Variants in MAP3K4 observed in about 807,000 individuals in gnomAD.
MAP3K4 encodes mitogen-activated protein kinase kinase kinase 4.
A neutral mutation model predicts 185.6 loss-of-function variants in MAP3K4; 67 were observed. The observed-to-expected ratio is 0.36, with a 90% CI of 0.30 to 0.44. The LOEUF is 0.44. Among genes scored for constraint, MAP3K4 ranks in the 20% least tolerant of loss-of-function variants. MAP3K4 has a pLI of 1.00. For missense variants in MAP3K4, 1,551 were observed against 1,995.1 expected (o/e 0.78, Z 4.24); for synonymous variants, 702 against 710.4 (o/e 0.99, Z 0.19).
At chr6:161,024,414 TTAAC>T (rs1381270769) in intron 1 of MAP3K4, among the ~76,000 whole-genome samples, 1 of 152,224 alleles carries the variant, frequency 6.6e-6, no homozygotes, top group Non-Finnish European at 1.5e-5. Flanking sequence ...CACTTTGTTG[TTAAC>T]TAAACTCAGA....
At position 161,080,659 on chromosome 6, in the gene MAP3K4, A is replaced by AAT. The variant is rs2114840241; in HGVS notation, c.2098-219_2098-218dup. 2.0e-6 allele frequency: 1 copy of AAT among 488,208 alleles called. No homozygotes were observed. The highest frequency in any genetic ancestry group is 2.0e-5 in the African/African-American group (1 of 51,116). 30.2% of individuals were successfully genotyped at this position (488,208 alleles called of 1,614,324 possible). On this transcript the variant is annotated intron_variant, in intron 5 of 26. Transcript: ENST00000392142. The surrounding 1 kb of genome is among the most constrained non-coding windows in gnomAD (Gnocchi z 4.8). Reference sequence around the variant, plus strand: ...TTAGGATTTTGAAGGGGTTGTCAATAATATGTTAAATTGCTGGGGAGTTAG... The same window carrying AAT: ...TTAGGATTTTGAAGGGGTTGTCAATAATATATGTTAAATTGCTGGGGAGTTAG...
At chr6:161,083,488 ACT>A (rs1785553844) in intron 6 of MAP3K4, among the ~76,000 whole-genome samples, 1 of 151,768 alleles carries the variant, frequency 6.6e-6, no homozygotes, top group South Asian at 2.1e-4. Flanking sequence ...TTTAAAATTT[ACT>A]CTCTTTGCTT....
In MAP3K4 at chr6:161,110,806, G is replaced by A. The variant is rs191668028; in HGVS notation, c.4396+892G>A. ...TGGCTGCCTGCCTGTCCGCTACCTT[G>A]CTTTGGTGTCTGGGGTCATCCTGAT... is the stretch of plus-strand genomic sequence containing the variant. On this transcript the variant is annotated intron_variant, in intron 23 of 26. Transcript: ENST00000392142. This position sits in a 1 kb window ranked among gnomAD's most constrained non-coding sequence, Gnocchi z 4.8. Among the ~76,000 whole-genome samples, 545 of 152,286 alleles carry A rather than the reference G, an allele frequency of 3.6e-3. 4 individuals are homozygous for A. The highest frequency in any genetic ancestry group is 0.013 in the African/African-American group (520 of 41,550).
Position 161,098,403 on chromosome 6 carries a change from C to G in MAP3K4, c.3650C>G (p.Ser1217Cys). ...GGTGGTGACTCTGTGCTGCCCAAATCCATCAGCAGTGCCCATGATACCAGG... is the reference window on the plus strand; with the variant it reads ...GGTGGTGACTCTGTGCTGCCCAAATGCATCAGCAGTGCCCATGATACCAGG... ...PSGGDSVLPK[S>C]ISSAHDTRGS... Residue 1217 changes from serine to cysteine, a missense_variant, in exon 17 of 27, where the codon TCC becomes TGC. Ser to Cys is a moderately radical substitution (Grantham distance 112). Around this residue, in one of 16 missense-constraint regions of MAP3K4, gnomAD observed 272 missense variants for 301.2 expected, o/e 0.90. Transcript: ENST00000392142. The surrounding 1 kb of genome is among the most constrained non-coding windows in gnomAD (Gnocchi z 4.4). 1 of 1,613,892 alleles carries G rather than the reference C, an allele frequency of 6.2e-7. No homozygotes were observed. Among genetic ancestry groups the G allele is most frequent in the Non-Finnish European group, 8.5e-7 (1 of 1,179,984 alleles).
At position 161,049,673 on chromosome 6, in the gene MAP3K4, T is replaced by A. The variant is rs749139305; in HGVS notation, c.1401T>A (p.Ser467=). 2 of 1,614,116 alleles carry A rather than the reference T, an allele frequency of 1.2e-6. No homozygotes were observed. The highest frequency in any genetic ancestry group is 1.7e-6 in the Non-Finnish European group (2 of 1,179,976). ...ATGAGAGTGAAGAAGAACAAATCTCTGATCCTAGGGTACCGGAAATCAGAC... is the reference window on the plus strand; with the variant it reads ...ATGAGAGTGAAGAAGAACAAATCTCAGATCCTAGGGTACCGGAAATCAGAC... ...STDESEEEQI[S]DPRVPEIRQP... Residue 467 remains serine, a synonymous_variant, in exon 3 of 27, where the codon TCT becomes TCA. Coordinates refer to ENST00000392142, the MANE Select transcript of MAP3K4 (RefSeq NM_005922.4). The surrounding 1 kb of genome is among the most constrained non-coding windows in gnomAD (Gnocchi z 8.4).
chr6:161,024,871 G>A (rs1782566811), intron 1 of MAP3K4, among the ~76,000 whole-genome samples: 1 of 152,168 alleles, frequency 6.6e-6, no homozygotes, highest in African/African-American at 2.4e-5. Flanking sequence ...CTCCTTGAGA[G>A]GAAAGTATGT....
intron 1 of MAP3K4, among the ~76,000 whole-genome samples, chr6:161,016,997 C>G (rs1047727181): frequency 6.6e-6 from 1 of 151,984 alleles, no homozygotes; most frequent in African/African-American, 2.4e-5. Flanking sequence ...ATCCCAGTCC[C>G]TTGTTATTTC....
chr6:161,104,725 A>AAG (rs397736081), intron 19 of MAP3K4, among the ~76,000 whole-genome samples: 1 of 150,600 alleles, frequency 6.6e-6, no homozygotes, highest in Non-Finnish European at 1.5e-5. Context: ...AAAAAAAAAA[A>AAG]GGAATCTTGA....
chr6:161,079,453 T>C, intron 5 of MAP3K4, among the ~76,000 whole-genome samples: 1 of 151,874 alleles, frequency 6.6e-6, no homozygotes, highest in Non-Finnish European at 1.5e-5. Flanking sequence ...GGCGCATGCC[T>C]GTAATCCCAG....
intron 3 of MAP3K4, among the ~76,000 whole-genome samples, chr6:161,055,005 T>C (rs1348676575): frequency 6.6e-6 from 1 of 152,230 alleles, no homozygotes; most frequent in Non-Finnish European, 1.5e-5. Flanking sequence ...AGGATCTTAT[T>C]GTTTGTACTT....
intron 1 of MAP3K4, among the ~76,000 whole-genome samples, chr6:161,014,945 G>A (rs539966698): frequency 6.6e-6 from 1 of 152,222 alleles, no homozygotes; most frequent in East Asian, 1.9e-4. Context: ...CTGAGTAACT[G>A]CTAATTTACT....
intron 2 of MAP3K4, among the ~76,000 whole-genome samples, chr6:161,044,148 A>G (rs972270453): frequency 6.6e-6 from 1 of 152,198 alleles, no homozygotes; most frequent in Admixed American, 6.5e-5. Flanking sequence ...AAAGTGTTCC[A>G]GAGGTTTGCT....
At chr6:161,001,178 A>G (rs971992632) in intron 1 of MAP3K4, among the ~76,000 whole-genome samples, 2 of 149,034 alleles carry the variant, frequency 1.3e-5, no homozygotes, top group African/African-American at 2.4e-5. Context: ...GTGTACACAT[A>G]TATAAGAAAT....
At chr6:160,994,049 T>C (rs1303888661) in intron 1 of MAP3K4, among the ~76,000 whole-genome samples, 1 of 152,178 alleles carries the variant, frequency 6.6e-6, no homozygotes, top group Non-Finnish European at 1.5e-5. Flanking sequence ...ATCCAGTTGT[T>C]CATTTGAACT....
chr6:161,110,017 T>G lies in MAP3K4; in HGVS notation c.4396+103T>G. The G allele has an allele frequency of 9.5e-5, 114 of 1,199,590 alleles. No homozygotes were observed. Among genetic ancestry groups the G allele is most frequent in the Non-Finnish European group, 1.2e-4 (100 of 832,476 alleles). 74.3% of individuals were successfully genotyped at this position (1,199,590 alleles called of 1,614,324 possible). On this transcript the variant is annotated intron_variant, in intron 23 of 26. Coordinates refer to ENST00000392142, the MANE Select transcript of MAP3K4 (RefSeq NM_005922.4). This position sits in a 1 kb window ranked among gnomAD's most constrained non-coding sequence, Gnocchi z 4.8. The stretch of plus-strand genomic sequence containing the variant: ...ATCCCATTCCCACATATGATTTCTC[T>G]AGATGGAAATACCTTTCATTGAAAT...
rs1562496793 is a variant in MAP3K4, at chr6:161,037,827, A to C, written c.343+3378A>C. ...CATATCCTTATTAAATGGTGTGCCC[A>C]TTTTTAGGACCCTGAGTCTTAGATT... On this transcript the variant is annotated intron_variant, in intron 2 of 26. Coordinates refer to ENST00000392142, the MANE Select transcript of MAP3K4 (RefSeq NM_005922.4). The surrounding 1 kb of genome is among the most constrained non-coding windows in gnomAD (Gnocchi z 4.2). 6.6e-6 allele frequency among the ~76,000 whole-genome samples: 1 copy of C among 152,180 alleles called. No homozygotes were observed. The highest frequency in any genetic ancestry group is 1.5e-5 in the Non-Finnish European group (1 of 68,034).
At chr6:161,013,732 G>A (rs983255891) in intron 1 of MAP3K4, among the ~76,000 whole-genome samples, 4 of 152,220 alleles carry the variant, frequency 2.6e-5, no homozygotes, top group African/African-American at 9.6e-5. Context: ...GCCAAGAGTA[G>A]CAGCTCAGGG....
Position 161,051,705 on chromosome 6 carries a change from G to T in MAP3K4, c.1707+1726G>T, listed in dbSNP as rs1047893079. On this transcript the variant is annotated intron_variant, in intron 3 of 26. Coordinates refer to ENST00000392142, the MANE Select transcript of MAP3K4 (RefSeq NM_005922.4). This position sits in a 1 kb window ranked among gnomAD's most constrained non-coding sequence, Gnocchi z 4.2. ...GACACTCAAATCCTTGGATGCTCCA[G>T]TCCCTCATATAAAATGGTGTAGTAT... Among the ~76,000 whole-genome samples the T allele has an allele frequency of 1.3e-5, 2 of 152,176 alleles. No individual in the cohort carries two copies. Among genetic ancestry groups the T allele is most frequent in the Non-Finnish European group, 2.9e-5 (2 of 68,028 alleles).
rs1437421791 is a variant in MAP3K4 at position 161,017,623 on chromosome 6, TG to T, written c.153-16633del. On this transcript the variant is annotated intron_variant, in intron 1 of 26. Transcript: ENST00000392142. The surrounding 1 kb of genome is among the most constrained non-coding windows in gnomAD (Gnocchi z 5.1). The stretch of plus-strand genomic sequence containing the variant: ...AGAGGTTAAATTTTCACAAAATAAA[TG>T]GGTTGAATTTGACTATCTGTAAGTG... Among the ~76,000 whole-genome samples, 11 of 152,172 alleles carry T rather than the reference TG, an allele frequency of 7.2e-5. No individual in the cohort carries two copies. The highest frequency in any genetic ancestry group is 1.5e-4 in the Non-Finnish European group (10 of 68,008).
Sources: allele counts gnomAD v4.1 joint callset (sites outside exome capture counted in the v4.1 genomes callset), GRCh38; gene constraint gnomAD v4.1.1; regional missense constraint gnomAD v4.1.1; non-coding constraint Gnocchi (gnomAD v3.1); transcripts MANE v1.5; gene names NCBI Gene and HGNC (gene_info 2026-07-23, HGNC 2026-07-21).